Variants in SCEL observed in about 807,000 individuals in gnomAD.
The protein encoded by SCEL is sciellin.
SCEL carries 113 observed loss-of-function variants against 117.6 expected under a neutral mutation model. The observed-to-expected ratio is 0.96, with a 90% confidence interval of 0.83 to 1.12. The LOEUF (loss-of-function observed/expected upper bound fraction) is 1.12. SCEL is among the 50% of genes most tolerant of loss of function. SCEL has a pLI of 0.00. For synonymous variants in SCEL, 270 were observed against 256.2 expected (o/e 1.05, Z -0.51); for missense variants, 785 against 810.8 (o/e 0.97, Z 0.39).
At chr13:77,629,916 A>G (rs193252714) in intron 28 of SCEL, among the ~76,000 whole-genome samples, 3 of 152,298 alleles carry the variant, frequency 2.0e-5, no homozygotes, top group African/African-American at 4.8e-5. Context: ...ATGGGGCAGA[A>G]TTCTTCTGGA....
In SCEL at chr13:77,569,404, C is replaced by T; in HGVS notation, c.432C>T (p.Ser144=). The part of the protein sequence containing the change: ...QPGGSLNANT[S]NTIASTSATT... ...GCGGTTCATTGAATGCCAACACCTC[C>T]AACACCATAGCATCCACTTCTGCTA... The change falls in exon 8 of 33, where the codon TCC becomes TCT. Residue 144 remains serine (S), a synonymous_variant. Transcript: ENST00000349847. The T allele has an allele frequency of 6.2e-7, 1 of 1,613,958 alleles. No individual in the cohort carries two copies. Among genetic ancestry groups the T allele is most frequent in the Non-Finnish European group, 8.5e-7 (1 of 1,179,844 alleles).
Position 77,644,361 on chromosome 13 carries a change from G to A in SCEL, c.*87G>A. 3 of 1,329,322 alleles carry A rather than the reference G, an allele frequency of 2.3e-6. No individual in the cohort carries two copies. Among genetic ancestry groups the A allele is most frequent in the Non-Finnish European group, 3.2e-6 (3 of 937,660 alleles). The allele number at this position is 1,329,322 out of a possible 1,614,324, so 82.3% of individuals were successfully genotyped here. ...TCTTAATAATATGTAATCTAGAAAA[G>A]CTTTCACATTGAAGATCAACTCTTG... On this transcript the variant is annotated 3_prime_UTR_variant, in exon 33 of 33. Transcript: ENST00000349847.
intron 4 of SCEL, among the ~76,000 whole-genome samples, chr13:77,560,138 C>T (rs557781220): frequency 1.3e-5 from 2 of 151,908 alleles, no homozygotes; most frequent in East Asian, 1.9e-4. Context: ...CATAGAAACA[C>T]GATCATATCA....
At chr13:77,616,808 G>A (rs1395153413) in intron 24 of SCEL, among the ~76,000 whole-genome samples, 2 of 150,142 alleles carry the variant, frequency 1.3e-5, no homozygotes, top group African/African-American at 4.9e-5. Flanking sequence ...GCATTGTTGT[G>A]GTGAGAGGTA....
At position 77,538,678 on chromosome 13, in the gene SCEL, A is replaced by G. The variant is rs181665638; in HGVS notation, c.-20+2854A>G. Among the ~76,000 whole-genome samples the G allele has an allele frequency of 1.6e-4, 24 of 152,310 alleles. No individual in the cohort carries two copies. In the East Asian group the frequency reaches 4.4e-3, roughly 28 times the overall value. On this transcript the variant is annotated intron_variant, in intron 1 of 32. Coordinates refer to ENST00000349847, the MANE Select transcript of SCEL (RefSeq NM_144777.3). ...GAATTTTATAGCTACCTATTCAATG[A>G]CAACTGGTTTACTTCTAGATACAAG...
chr13:77,543,543 A>G (rs949478168), intron 1 of SCEL, among the ~76,000 whole-genome samples: 9 of 152,196 alleles, frequency 5.9e-5, no homozygotes, highest in African/African-American at 1.9e-4. Context: ...ATGTCACTCT[A>G]TGTAAATCTC....
chr13:77,602,390 A>C (rs1594086680), intron 16 of SCEL: 1 of 480,170 alleles, frequency 2.1e-6, no homozygotes, highest in Non-Finnish European at 3.7e-6. Context: ...GTCAAATTTT[A>C]ATTTAAATTA....
At chr13:77,547,904 C>G (rs1257463069) in intron 1 of SCEL, among the ~76,000 whole-genome samples, 6 of 152,170 alleles carry the variant, frequency 3.9e-5, no homozygotes, top group Non-Finnish European at 2.9e-5. Context: ...CTCTGGGATG[C>G]TCCCTAGGAA....
At chr13:77,623,469 T>TTAAATAAA in intron 27 of SCEL, 1 of 152,100 alleles carries the variant, frequency 6.6e-6, no homozygotes. Context: ...TTGACTAGCC[T>TTAAATAAA]TAAATAAATA....
At chr13:77,544,658 T>C (rs1051341172) in intron 1 of SCEL, among the ~76,000 whole-genome samples, 1 of 152,164 alleles carries the variant, frequency 6.6e-6, no homozygotes. Flanking sequence ...GGTCACCTAA[T>C]GGACCTAAAT....
At position 77,628,170 on chromosome 13, in the gene SCEL, G is replaced by GTATATA. The variant is rs67297453; in HGVS notation, c.1691+177_1691+182dup. 4.1e-3 allele frequency among the ~76,000 whole-genome samples: 575 copies of GTATATA among 139,736 alleles called. 8 individuals carry two copies. Among genetic ancestry groups the GTATATA allele is most frequent in the African/African-American group, 0.015 (555 of 37,734 alleles). 91.7% of individuals were successfully genotyped at this position (139,736 alleles called of 152,430 possible). A position where few individuals can be genotyped will look rare whatever the true frequency, so the allele number is the denominator to read the frequency against. On this transcript the variant is annotated intron_variant, in intron 28 of 32. Transcript: ENST00000349847. Reference sequence around the variant, plus strand: ...TATATGTGTGTATATATATGTGTGTGTATATATATATATATATATATCATC... The same window carrying GTATATA: ...TATATGTGTGTATATATATGTGTGTGTATATATATATATATATATATATATATCATC...
At chr13:77,591,204 T>C (rs2086847612) in intron 10 of SCEL, among the ~76,000 whole-genome samples, 191 bp from the exon 11 acceptor site, 1 of 152,172 alleles carries the variant, frequency 6.6e-6, no homozygotes. Flanking sequence ...GCGATAAAGA[T>C]AGATTAAATT....
Position 77,603,056 on chromosome 13 carries a change from A to G in SCEL, c.1038-20A>G, listed in dbSNP as rs1196620624. Reference sequence around the variant, plus strand: ...ATTATGGGAATGTTTTGAAACTGATATAAACTTTTTTTTTTAAAGAAGTGA... The same window carrying G: ...ATTATGGGAATGTTTTGAAACTGATGTAAACTTTTTTTTTTAAAGAAGTGA... On this transcript the variant is annotated intron_variant, in intron 17 of 32. Transcript: ENST00000349847. 4 of 1,433,834 alleles carry G rather than the reference A, an allele frequency of 2.8e-6. No individual in the cohort carries two copies. The highest frequency in any genetic ancestry group is 1.8e-4 in the Middle Eastern group (1 of 5,478). The allele number at this position is 1,433,834 out of a possible 1,614,324, so 88.8% of individuals were successfully genotyped here. A position where few individuals can be genotyped will look rare whatever the true frequency, so the allele number is the denominator to read the frequency against.
chr13:77,576,455 C>T (rs1033402403), intron 9 of SCEL, among the ~76,000 whole-genome samples: 1 of 152,100 alleles, frequency 6.6e-6, no homozygotes, highest in Non-Finnish European at 1.5e-5. Context: ...TTCTCTTCTC[C>T]TCTTGTTCTG....
intron 5 of SCEL, among the ~76,000 whole-genome samples, chr13:77,565,749 T>C (rs2085251605): frequency 6.6e-6 from 1 of 152,206 alleles, no homozygotes; most frequent in African/African-American, 2.4e-5. Context: ...CTTTAAAATA[T>C]ACTTATGTGT....
chr13:77,579,326 A>G (rs1195569294), intron 9 of SCEL, among the ~76,000 whole-genome samples: 1 of 152,224 alleles, frequency 6.6e-6, no homozygotes, highest in East Asian at 1.9e-4. Flanking sequence ...TGAATCATCA[A>G]GTTAATTTAT....
Position 77,572,168 on chromosome 13 carries a change from C to G in SCEL, c.524C>G (p.Ser175Trp), listed in dbSNP as rs141416270. The G allele has an allele frequency of 1.9e-4, 308 of 1,611,566 alleles. No homozygotes were observed. The African/African-American group carries it at 3.6e-3, about 19-fold the overall frequency. The stretch of plus-strand genomic sequence containing the variant: ...CCCCCTCCAGGTTACAATGCCTCCT[C>G]GAGCACAGGAACCAGGAGACGGTAA... Reference protein sequence around the residue: ...PPPPPGYNASSSTGTRRREPG... With the variant: ...PPPPPGYNASWSTGTRRREPG... Residue 175 changes from serine (S) to tryptophan (W), a missense_variant, in exon 9 of 33, where the codon TCG becomes TGG. Transcript: ENST00000349847.
Position 77,617,592 on chromosome 13 carries a change from C to A in SCEL, c.1452-7C>A. On this transcript the variant is annotated splice_polypyrimidine_tract_variant and splice_region_variant and intron_variant, in intron 24 of 32. Coordinates refer to ENST00000349847, the MANE Select transcript of SCEL (RefSeq NM_144777.3). Reference sequence around the variant, plus strand: ...CCAAGTTGCTTTAATATTTTTTCCACTTAAAGAAAACAAGATCTTGATAAA... The same window carrying A: ...CCAAGTTGCTTTAATATTTTTTCCAATTAAAGAAAACAAGATCTTGATAAA... 1 of 1,563,648 alleles carries A rather than the reference C, an allele frequency of 6.4e-7. No individual in the cohort carries two copies. The highest frequency in any genetic ancestry group is 8.7e-7 in the Non-Finnish European group (1 of 1,146,170).
chr13:77,637,929 G>T (rs984481343), intron 30 of SCEL, among the ~76,000 whole-genome samples: 2 of 152,160 alleles, frequency 1.3e-5, no homozygotes, highest in African/African-American at 2.4e-5. Flanking sequence ...GCACCTAGGT[G>T]ACACTTATGA....
Sources: gnomAD v4.1 joint callset for allele counts (sites outside exome capture counted in the v4.1 genomes callset) on GRCh38, gnomAD v4.1.1 for gene constraint, MANE v1.5 for transcripts, NCBI Gene and HGNC (gene_info 2026-07-23, HGNC 2026-07-21) for gene names.